The following PPARGC1A variants were observed in gnomAD, a reference collection of about 807,000 sequenced individuals.
PPARGC1A encodes PPARG coactivator 1 alpha, also known as peroxisome proliferator-activated receptor gamma coactivator 1-alpha.
A neutral mutation model predicts 88.7 loss-of-function variants in PPARGC1A; 25 were observed. The observed-to-expected ratio is 0.28, with a 90% CI of 0.21 to 0.39. The LOEUF (loss-of-function observed/expected upper bound fraction) is 0.39. PPARGC1A is among the 10% of genes least tolerant of loss of function. PPARGC1A has a pLI of 1.00. For synonymous variants in PPARGC1A, 363 were observed against 355.6 expected (o/e 1.02, Z -0.24); for missense variants, 880 against 968.7 (o/e 0.91, Z 1.22).
chr4:23,937,310 A>G, the PPARGC1A span, among the ~76,000 whole-genome samples: 1 of 152,210 alleles, frequency 6.6e-6, no homozygotes, highest in South Asian at 2.1e-4. Flanking sequence ...TCTTCAAAAT[A>G]TCCCCATGCA....
chr4:24,044,874 C>T, the PPARGC1A span, among the ~76,000 whole-genome samples: 7 of 152,220 alleles, frequency 4.6e-5, no homozygotes, highest in African/African-American at 1.7e-4. Flanking sequence ...GCTCACATGA[C>T]AACTCAGAAA....
intron 2 of PPARGC1A, chr4:23,883,182 G>A (rs949461189): frequency 1.3e-5 from 2 of 152,192 alleles, no homozygotes; most frequent in Admixed American, 1.3e-4. Context: ...TGGGAAAGTA[G>A]AACTAACCAC....
chr4:23,849,403 C>T (rs574476297), intron 2 of PPARGC1A, among the ~76,000 whole-genome samples: 2 of 152,288 alleles, frequency 1.3e-5, no homozygotes, highest in South Asian at 2.1e-4. Context: ...GCCCTGAATA[C>T]ATGGCCTTTC....
chr4:24,318,291 CT>C, the PPARGC1A span, among the ~76,000 whole-genome samples: 1 of 152,290 alleles, frequency 6.6e-6, no homozygotes, highest in South Asian at 2.1e-4. Flanking sequence ...ATTTCTTTAT[CT>C]GTGAAATGAT....
chr4:23,946,213 T>C, the PPARGC1A span, among the ~76,000 whole-genome samples: 2 of 152,288 alleles, frequency 1.3e-5, no homozygotes, highest in African/African-American at 2.4e-5. Flanking sequence ...ACAGAAATTA[T>C]AGACTTTTAA....
chr4:24,470,446 G>A, the PPARGC1A span, among the ~76,000 whole-genome samples: 23 of 152,228 alleles, frequency 1.5e-4, no homozygotes, highest in African/African-American at 5.5e-4. The surrounding 1 kb of genome is among the most constrained non-coding windows in gnomAD (Gnocchi z 5.8). Context: ...GAGCACCCAA[G>A]GCCCGCCAGG....
chr4:24,438,007 G>A, the PPARGC1A span, among the ~76,000 whole-genome samples: 1 of 152,112 alleles, frequency 6.6e-6, no homozygotes, highest in South Asian at 2.1e-4. Context: ...AGAGTGGCAG[G>A]CCCATGCTCA....
Position 23,824,750 on chromosome 4 carries a change from ACCCT to A in PPARGC1A, c.758-246_758-243del, listed in dbSNP as rs560898083. Reference sequence around the variant, plus strand: ...GAAAATAGAATTTTTCCAAAAATGAACCCTCCCTGTTACAGATACAAAATTTGCA... The same window carrying A: ...GAAAATAGAATTTTTCCAAAAATGAACCCTGTTACAGATACAAAATTTGCA... On this transcript the variant is annotated intron_variant, in intron 5 of 12. Transcript: ENST00000264867. Among the ~76,000 whole-genome samples, 27 of 152,208 alleles carry A rather than the reference ACCCT, an allele frequency of 1.8e-4. 1 individual carries two copies. In the East Asian group the frequency reaches 4.1e-3, roughly 23 times the overall value.
At chr4:24,016,610 A>G in the PPARGC1A span, among the ~76,000 whole-genome samples, 2 of 152,212 alleles carry the variant, frequency 1.3e-5, no homozygotes, top group African/African-American at 4.8e-5. Flanking sequence ...TGATACCATG[A>G]AAGATCCTTC....
chr4:24,007,902 C>G, the PPARGC1A span, among the ~76,000 whole-genome samples: 2 of 152,186 alleles, frequency 1.3e-5, no homozygotes, highest in Non-Finnish European at 2.9e-5. Flanking sequence ...GCTGCCCTCT[C>G]TCTCTCCACC....
intron 2 of PPARGC1A, among the ~76,000 whole-genome samples, chr4:23,869,322 G>C (rs1481376757): frequency 6.6e-6 from 1 of 152,154 alleles, no homozygotes; most frequent in Non-Finnish European, 1.5e-5. Context: ...AAGTAGCAGG[G>C]GAGCTGGACT....
At chr4:24,163,255 A>C in the PPARGC1A span, among the ~76,000 whole-genome samples, 3 of 150,268 alleles carry the variant, frequency 2.0e-5, no homozygotes, top group East Asian at 5.9e-4. Flanking sequence ...CAAAAGTAAG[A>C]GAGTTTATCA....
At chr4:23,980,185 C>CAAAAAA in the PPARGC1A span, among the ~76,000 whole-genome samples, 1 of 89,498 alleles carries the variant, frequency 1.1e-5, no homozygotes. Context: ...TCCCAGCCAG[C>CAAAAAA]AAAAAAAAAA....
the PPARGC1A span, among the ~76,000 whole-genome samples, chr4:24,067,787 C>G: frequency 7.2e-5 from 11 of 152,212 alleles, no homozygotes; most frequent in Non-Finnish European, 1.3e-4. Context: ...GTTCCCATCT[C>G]GAGCACTTCA....
At chr4:23,868,044 G>C (rs375616999) in intron 2 of PPARGC1A, among the ~76,000 whole-genome samples, 14 of 152,252 alleles carry the variant, frequency 9.2e-5, no homozygotes, top group African/African-American at 3.1e-4. Flanking sequence ...CGGGTTCCTT[G>C]AACAGAGACA....
At chr4:24,269,069 G>C in the PPARGC1A span, among the ~76,000 whole-genome samples, 7 of 152,026 alleles carry the variant, frequency 4.6e-5, no homozygotes, top group Non-Finnish European at 1.0e-4. Context: ...CTCTAATATA[G>C]TTTTATTGCT....
chr4:23,891,561 G>A (rs1371001491), upstream of PPARGC1A, among the ~76,000 whole-genome samples: 2 of 152,168 alleles, frequency 1.3e-5, no homozygotes, highest in Non-Finnish European at 2.9e-5. Flanking sequence ...GCAGACTGCT[G>A]CTTCTTTCAG....
the PPARGC1A span, among the ~76,000 whole-genome samples, chr4:24,255,778 A>G: frequency 1.3e-5 from 2 of 152,222 alleles, no homozygotes; most frequent in African/African-American, 2.4e-5. Context: ...TGGTATTTGG[A>G]TATCAGTTTT....
At chr4:24,369,938 C>T in the PPARGC1A span, among the ~76,000 whole-genome samples, 1 of 152,168 alleles carries the variant, frequency 6.6e-6, no homozygotes, top group Non-Finnish European at 1.5e-5. Flanking sequence ...AGGTGGGCTC[C>T]CACAGCAGTA....
Sources: gnomAD v4.1 joint callset for allele counts (sites outside exome capture counted in the v4.1 genomes callset) on GRCh38, gnomAD v4.1.1 for gene constraint, Gnocchi (gnomAD v3.1) non-coding constraint, MANE v1.5 for transcripts, NCBI Gene and HGNC (gene_info 2026-07-23, HGNC 2026-07-21) for gene names.